The following ASTN2 variants were observed in gnomAD, a reference collection of about 807,000 sequenced individuals.
ASTN2 encodes astrotactin 2, also known as astrotactin-2.
ASTN2 carries 54 observed loss-of-function variants against 139.8 expected under a neutral mutation model. That is an observed-to-expected ratio of 0.39 (90% CI 0.31 to 0.48). ASTN2 has a LOEUF of 0.48. Among genes scored for constraint, ASTN2 ranks in the 20% least tolerant of loss-of-function variants. The pLI is 0.95. For synonymous variants in ASTN2, 756 were observed against 719.5 expected, an observed-to-expected ratio of 1.05 and a Z score of -0.81; for missense variants, 1,565 against 1,725.1, an observed-to-expected ratio of 0.91 and a Z score of 1.64.
At chr9:116,758,411 A>G (rs1829588869) in intron 13 of ASTN2, among the ~76,000 whole-genome samples, 1 of 152,142 alleles carries the variant, frequency 6.6e-6, no homozygotes, top group Admixed American at 6.5e-5. Flanking sequence ...GCCAGCTTTC[A>G]GGGGTCACTG....
At chr9:116,820,445 A>G (rs1312549540) in intron 12 of ASTN2, among the ~76,000 whole-genome samples, 172 bp downstream of exon 12, 1 of 152,138 alleles carries the variant, frequency 6.6e-6, no homozygotes, top group Non-Finnish European at 1.5e-5. Flanking sequence ...AACCCACCCA[A>G]CAGAAGGTTA....
At chr9:116,700,303 C>T (rs966915576) in intron 16 of ASTN2, 1 of 169,006 alleles carries the variant, frequency 5.9e-6, no homozygotes, top group African/African-American at 2.4e-5. Context: ...GGAAGCAGTA[C>T]CTCTCGCCTG....
chr9:116,660,018 G>C (rs1034453523), intron 16 of ASTN2, among the ~76,000 whole-genome samples: 1 of 152,118 alleles, frequency 6.6e-6, no homozygotes, highest in African/African-American at 2.4e-5. Flanking sequence ...GTTGGGGTGT[G>C]GGGTCATACT....
At chr9:116,730,635 A>G (rs1384137487) in intron 14 of ASTN2, among the ~76,000 whole-genome samples, 1 of 152,192 alleles carries the variant, frequency 6.6e-6, no homozygotes, top group Non-Finnish European at 1.5e-5. Flanking sequence ...GGGACAAGGC[A>G]GTCTCTGCTC....
At chr9:117,243,664 C>A (rs1363110722) in intron 2 of ASTN2, among the ~76,000 whole-genome samples, 1 of 152,140 alleles carries the variant, frequency 6.6e-6, no homozygotes, top group Non-Finnish European at 1.5e-5. Flanking sequence ...GTTGCCCAAG[C>A]TAGGCAGCTA....
intron 17 of ASTN2, among the ~76,000 whole-genome samples, chr9:116,633,930 A>G (rs1053445987): frequency 4.6e-5 from 7 of 152,174 alleles, no homozygotes; most frequent in African/African-American, 1.7e-4. Flanking sequence ...TCATATTTCT[A>G]TCATGGCAAG....
At chr9:116,632,492 A>G (rs1008678006) in intron 17 of ASTN2, among the ~76,000 whole-genome samples, 26 of 152,188 alleles carry the variant, frequency 1.7e-4, no homozygotes, top group African/African-American at 5.8e-4. Flanking sequence ...TAAGAAAAAT[A>G]CAACCATTTT....
At chr9:117,133,507 G>C (rs1368748401) in intron 4 of ASTN2, among the ~76,000 whole-genome samples, 2 of 152,178 alleles carry the variant, frequency 1.3e-5, no homozygotes, top group African/African-American at 4.8e-5. Flanking sequence ...CCAAGATCAT[G>C]AAGCCAGTTT....
chr9:116,538,076 C>T (rs1010080684), intron 19 of ASTN2, among the ~76,000 whole-genome samples: 39 of 152,074 alleles, frequency 2.6e-4, no homozygotes, highest in African/African-American at 9.4e-4. Context: ...ACCCACTATA[C>T]AACAATGCCT....
Position 116,976,104 on chromosome 9 carries a change from G to A in ASTN2, c.1751+10C>T. 1 of 1,613,804 alleles carries A rather than the reference G, an allele frequency of 6.2e-7. No homozygotes were observed. The highest frequency in any genetic ancestry group is 1.6e-4 in the Middle Eastern group (1 of 6,062). On this transcript the variant is annotated intron_variant, in intron 9 of 22. Transcript: ENST00000313400. Reference sequence around the variant, plus strand: ...CCCAGAATTATGCCCCAACAAGAAAGCCAACTCACCTGAGAATCTTTTCAG... The same window carrying A: ...CCCAGAATTATGCCCCAACAAGAAAACCAACTCACCTGAGAATCTTTTCAG...
chr9:117,272,226 C>G (rs1357076846), intron 2 of ASTN2, among the ~76,000 whole-genome samples: 1 of 152,240 alleles, frequency 6.6e-6, no homozygotes. Flanking sequence ...CTTGGGGCTT[C>G]AACCCTCTAA....
chr9:117,078,737 T>C (rs896089589), intron 5 of ASTN2, among the ~76,000 whole-genome samples: 1 of 152,056 alleles, frequency 6.6e-6, no homozygotes, highest in African/African-American at 2.4e-5. Context: ...TTTATTTTAT[T>C]TTTATTTTTA....
At chr9:116,905,829 A>C (rs1338794620) in intron 10 of ASTN2, among the ~76,000 whole-genome samples, 1 of 120,138 alleles carries the variant, frequency 8.3e-6, no homozygotes, top group Non-Finnish European at 1.6e-5. Context: ...ATACACAGGG[A>C]AGCACAGCAG....
Position 117,325,227 on chromosome 9 carries a change from C to G in ASTN2, c.443-33714G>C, listed in dbSNP as rs201475073. Among the ~76,000 whole-genome samples the G allele has an allele frequency of 4.6e-5, 7 of 152,292 alleles. No individual in the cohort carries two copies. The East Asian group carries it at 1.4e-3, about 29-fold the overall frequency. On this transcript the variant is annotated intron_variant, in intron 1 of 22. Coordinates refer to ENST00000313400, the MANE Select transcript of ASTN2 (RefSeq NM_001365068.1). Reference sequence around the variant, plus strand: ...AGGCTAGACTCTGGCCAGTCCAACACAGATTCTGGCCTCCCCTTCCAGATG... The same window carrying G: ...AGGCTAGACTCTGGCCAGTCCAACAGAGATTCTGGCCTCCCCTTCCAGATG...
At chr9:116,569,536 A>T (rs1003134136) in intron 19 of ASTN2, among the ~76,000 whole-genome samples, 1 of 152,226 alleles carries the variant, frequency 6.6e-6, no homozygotes, top group Non-Finnish European at 1.5e-5. Context: ...AATTCACGAC[A>T]GACACTCAGT....
chr9:117,235,201 T>C (rs1179948056), intron 2 of ASTN2, among the ~76,000 whole-genome samples: 1 of 147,798 alleles, frequency 6.8e-6, no homozygotes, highest in Non-Finnish European at 1.5e-5. Context: ...ACCATCGCAC[T>C]CCAGCCCAGG....
At chr9:117,017,654 T>C (rs1023138813) in intron 6 of ASTN2, among the ~76,000 whole-genome samples, 3 of 152,342 alleles carry the variant, frequency 2.0e-5, no homozygotes, top group Middle Eastern at 3.4e-3. Context: ...GGATTTCCTA[T>C]GGATAGTAAA....
chr9:116,997,342 A>T (rs1367067419), intron 7 of ASTN2, among the ~76,000 whole-genome samples: 1 of 152,192 alleles, frequency 6.6e-6, no homozygotes, highest in South Asian at 2.1e-4. Flanking sequence ...TTTACAACAC[A>T]TTTAAACCAA....
intron 10 of ASTN2, among the ~76,000 whole-genome samples, chr9:116,899,844 C>A (rs1833964136): frequency 6.6e-6 from 1 of 152,096 alleles, no homozygotes; most frequent in Admixed American, 6.6e-5. Context: ...GTTGTAAAAC[C>A]TAAGATTGGT....
Sources: allele counts gnomAD v4.1 joint callset (sites outside exome capture counted in the v4.1 genomes callset), GRCh38; gene constraint gnomAD v4.1.1; transcripts MANE v1.5; gene names NCBI Gene and HGNC (gene_info 2026-07-23, HGNC 2026-07-21).